Variants in TRIML2 observed in about 807,000 individuals in gnomAD.
The protein encoded by TRIML2 is probable E3 ubiquitin-protein ligase TRIML2.
Under a neutral mutation model 31.2 loss-of-function variants are expected in TRIML2, and 28 were observed. The observed-to-expected ratio is 0.90, with a 90% CI of 0.66 to 1.23. TRIML2 has a LOEUF of 1.23. TRIML2 is among the 50% of genes most tolerant of loss of function. The probability of loss-of-function intolerance (pLI) is 0.00; values close to 1 mark genes in which losing one functional copy is unlikely to be tolerated. For missense variants in TRIML2, 536 were observed against 528.3 expected, an observed-to-expected ratio of 1.01 and a Z score of -0.14; for synonymous variants, 187 against 197.5, an observed-to-expected ratio of 0.95 and a Z score of 0.45.
intron 3 of TRIML2, among the ~76,000 whole-genome samples, chr4:188,104,043 C>T (rs931383273): frequency 6.6e-6 from 1 of 152,128 alleles, no homozygotes; most frequent in African/African-American, 2.4e-5. Flanking sequence ...TGAAATATGC[C>T]TAACAGGTGG....
At chr4:188,108,291 T>C (rs1734123995) in intron 1 of TRIML2, among the ~76,000 whole-genome samples, 1 of 152,166 alleles carries the variant, frequency 6.6e-6, no homozygotes, top group South Asian at 2.1e-4. Context: ...CCCAACATTT[T>C]TGCAATAGAA....
At position 188,097,083 on chromosome 4, in the gene TRIML2, G is replaced by A. The variant is rs560368784; in HGVS notation, c.723C>T (p.Ser241=). The change falls in exon 7 of 8, where the codon AGC becomes AGT. Residue 241 remains serine, a synonymous_variant. Coordinates refer to ENST00000682553, the MANE Select transcript of TRIML2 (RefSeq NM_173553.4). ...TACTCTGGAGTACTCTGAACATGCT[G>A]CTGAGTCCTCTTATGTGGCATAAAC... ...DLSLCHIRGL[S]SMFRVLQRHL... is the part of the protein sequence containing the mutation. 253 of 1,613,500 alleles carry A rather than the reference G, an allele frequency of 1.6e-4. 1 individual carries two copies. In the South Asian group the frequency reaches 2.6e-3, roughly 17 times the overall value.
At chr4:188,096,932 C>G in intron 7 of TRIML2, 129 bp downstream of exon 7, 1 of 717,260 alleles carries the variant, frequency 1.4e-6, no homozygotes, top group Non-Finnish European at 2.4e-6. Context: ...GCTGGGATTA[C>G]AGGAGTGACC....
chr4:188,092,523 G>A (rs1487481888), intron 7 of TRIML2, among the ~76,000 whole-genome samples: 1 of 152,118 alleles, frequency 6.6e-6, no homozygotes, highest in African/African-American at 2.4e-5. Flanking sequence ...CGGTCAAACT[G>A]TCCTGGTGCC....
intron 5 of TRIML2, 55 bp downstream of exon 5, chr4:188,098,980 T>C (rs772225499): frequency 6.2e-7 from 1 of 1,602,884 alleles, no homozygotes; most frequent in East Asian, 2.2e-5. Flanking sequence ...TACTGTCCAC[T>C]TCTCATTTCT....
At chr4:188,105,143 G>C in intron 2 of TRIML2, 37 bp downstream of exon 2, 1 of 1,583,218 alleles carries the variant, frequency 6.3e-7, no homozygotes. Context: ...ATAGGAGTTG[G>C]CCAGAGTGTT....
chr4:188,091,294 TTAGTTTACACAAA>T lies in TRIML2; in HGVS notation c.*66_*78del. 4.3e-6 allele frequency: 6 copies of T among 1,392,758 alleles called. No homozygotes were observed. The highest frequency in any genetic ancestry group is 5.9e-6 in the Non-Finnish European group (6 of 1,015,612). 86.3% of individuals were successfully genotyped at this position (1,392,758 alleles called of 1,614,324 possible). On this transcript the variant is annotated 3_prime_UTR_variant, in exon 8 of 8. Coordinates refer to ENST00000682553, the MANE Select transcript of TRIML2 (RefSeq NM_173553.4). ...TACTCCTGGAACGCTTTTTATTGGG[TTAGTTTACACAAA>T]TTCTTTCAAAGTCTTGTTCTCCAAC...
At chr4:188,092,297 T>C (rs1420696741) in intron 7 of TRIML2, among the ~76,000 whole-genome samples, 6 of 151,642 alleles carry the variant, frequency 4.0e-5, no homozygotes, top group Non-Finnish European at 5.9e-5. Context: ...CCATCTCTAC[T>C]AAAAAAATAC....
Position 188,105,440 on chromosome 4 carries a change from G to A in TRIML2, c.-72C>T. On this transcript the variant is annotated 5_prime_UTR_variant, in exon 2 of 8. Coordinates refer to ENST00000682553, the MANE Select transcript of TRIML2 (RefSeq NM_173553.4). ...AGGTATCTCCCTGCACTGTGAATGA[G>A]AAAAAATGGTGGCTTCCTTTGTTTT... The A allele has an allele frequency of 1.7e-6, 2 of 1,170,964 alleles. No homozygotes were observed. The highest frequency in any genetic ancestry group is 5.6e-5 in the Admixed American group (2 of 35,924). 72.5% of individuals were successfully genotyped at this position (1,170,964 alleles called of 1,614,324 possible).
rs1733768106 is a variant in TRIML2, at chr4:188,101,152, C to T, written c.384G>A (p.Gln128=). The change falls in exon 4 of 8, where the codon CAG becomes CAA. Residue 128 remains glutamine (Q), a synonymous_variant. Transcript: ENST00000682553. ...TCAGGTTCAAGTCAGATATGCATTC[C>T]TGCTGTCTCTGGAGATTCTGCTCAC... ...EECEQNLQRQ[Q]ECISDLNLRE... The T allele has an allele frequency of 6.2e-7, 1 of 1,613,844 alleles. No individual in the cohort carries two copies. The highest frequency in any genetic ancestry group is 1.7e-5 in the Admixed American group (1 of 59,976).
chr4:188,098,779 T>G (rs1733641186), intron 5 of TRIML2: 1 of 439,574 alleles, frequency 2.3e-6, no homozygotes, highest in Non-Finnish European at 4.0e-6. Context: ...TTAACCACAT[T>G]GTGTCACATC....
intron 3 of TRIML2, among the ~76,000 whole-genome samples, chr4:188,102,447 G>A (rs1291192111): frequency 1.3e-5 from 2 of 152,162 alleles, no homozygotes; most frequent in South Asian, 2.1e-4. Context: ...AGTAAAGATA[G>A]TAAGTAGGAA....
At chr4:188,092,215 C>A (rs1322750619) in intron 7 of TRIML2, among the ~76,000 whole-genome samples, 1 of 152,078 alleles carries the variant, frequency 6.6e-6, no homozygotes, top group Non-Finnish European at 1.5e-5. Flanking sequence ...TTTAGAAACA[C>A]CTTCATCCAA....
intron 7 of TRIML2, among the ~76,000 whole-genome samples, chr4:188,092,489 CAAAA>C (rs1264288187): frequency 7.0e-6 from 1 of 142,036 alleles, no homozygotes; most frequent in Non-Finnish European, 1.6e-5. Context: ...AACAAACAAA[CAAAA>C]AACAGCTTCA....
intron 2 of TRIML2, 120 bp from the exon 3 acceptor site, chr4:188,105,052 C>T (rs1733968038): frequency 9.2e-6 from 13 of 1,414,178 alleles, no homozygotes; most frequent in African/African-American, 4.3e-5. Flanking sequence ...GAAGGTTCAA[C>T]GAACTTATCT....
intron 7 of TRIML2, chr4:188,092,670 C>T (rs1183232429): frequency 4.8e-6 from 2 of 419,882 alleles, no homozygotes; most frequent in South Asian, 1.7e-5. Flanking sequence ...TAAATATCCC[C>T]ACAGGGTGAC....
intron 7 of TRIML2, chr4:188,092,966 G>C (rs947541882): frequency 4.6e-6 from 2 of 436,532 alleles, no homozygotes; most frequent in African/African-American, 4.1e-5. Flanking sequence ...CCAGGTAACT[G>C]TGCATAGCTT....
chr4:188,097,446 T>C, intron 5 of TRIML2, 100 bp from the exon 6 acceptor site: 1 of 1,113,434 alleles, frequency 9.0e-7, no homozygotes, highest in Non-Finnish European at 1.3e-6. Flanking sequence ...TCAATTTCCA[T>C]GTCATTTCTT....
At chr4:188,097,263 C>G in intron 6 of TRIML2, 61 bp downstream of exon 6, 1 of 1,603,144 alleles carries the variant, frequency 6.2e-7, no homozygotes, top group African/African-American at 1.3e-5. Context: ...ATCTCCCTAT[C>G]TCAATCAACA....
Sources: gnomAD v4.1 joint callset for allele counts (sites outside exome capture counted in the v4.1 genomes callset) on GRCh38, gnomAD v4.1.1 for gene constraint, MANE v1.5 for transcripts, NCBI Gene and HGNC (gene_info 2026-07-23, HGNC 2026-07-21) for gene names.